The following WWOX variants were observed in gnomAD, a reference collection of about 807,000 sequenced individuals.
WWOX encodes WW domain containing oxidoreductase.
In WWOX, 69 loss-of-function variants were observed where a neutral mutation model predicts 46.2. The ratio of observed to expected loss-of-function variants is 1.49; its 90% CI spans 1.23 to 1.82. The LOEUF is 1.82. Ranked by LOEUF, WWOX falls within the 40% of genes most tolerant of loss-of-function variation. The pLI is 0.00. For synonymous variants in WWOX, 359 were observed against 202.6 expected (o/e 1.77, Z -6.56); for missense variants, 919 against 542.6 (o/e 1.69, Z -6.89).
intron 8 of WWOX, among the ~76,000 whole-genome samples, chr16:78,770,076 G>T (rs1240519549): frequency 6.6e-6 from 1 of 151,602 alleles, no homozygotes; most frequent in African/African-American, 2.4e-5. Flanking sequence ...AGTAGGTCGG[G>T]CATGGTGGGT....
At chr16:79,122,049 C>A (rs543953502) in intron 8 of WWOX, among the ~76,000 whole-genome samples, 3 of 152,154 alleles carry the variant, frequency 2.0e-5, no homozygotes, top group Non-Finnish European at 2.9e-5. Context: ...TGATGGGTCC[C>A]AGCTGTGCAC....
intron 8 of WWOX, among the ~76,000 whole-genome samples, chr16:78,765,403 G>C (rs779953097): frequency 1.1e-4 from 17 of 152,220 alleles, no homozygotes; most frequent in Non-Finnish European, 1.8e-4. Context: ...TCGGGGCCGG[G>C]CACGGTGGCT....
At chr16:79,009,402 G>A (rs1033868990) in intron 8 of WWOX, among the ~76,000 whole-genome samples, 1 of 152,270 alleles carries the variant, frequency 6.6e-6, no homozygotes, top group African/African-American at 2.4e-5. Context: ...CTGTGCTACG[G>A]TTGGGAAGAG....
chr16:78,423,898 C>A (rs1171246341), intron 6 of WWOX, among the ~76,000 whole-genome samples: 1 of 151,228 alleles, frequency 6.6e-6, no homozygotes, highest in African/African-American at 2.4e-5. Flanking sequence ...CTATGACAGG[C>A]TTCCACTTAC....
At chr16:78,235,655 G>A (rs1334156477) in intron 5 of WWOX, among the ~76,000 whole-genome samples, 1 of 152,200 alleles carries the variant, frequency 6.6e-6, no homozygotes, top group East Asian at 1.9e-4. Context: ...AAGGATGCAT[G>A]GGATGGGTTC....
At chr16:78,459,241 G>A (rs1005390147) in intron 8 of WWOX, among the ~76,000 whole-genome samples, 5 of 152,182 alleles carry the variant, frequency 3.3e-5, no homozygotes, top group East Asian at 1.9e-4. Context: ...AAAGACTGTC[G>A]TAAGTTCACA....
intron 8 of WWOX, among the ~76,000 whole-genome samples, chr16:79,168,907 C>G (rs1323969675): frequency 6.6e-6 from 1 of 152,184 alleles, no homozygotes; most frequent in African/African-American, 2.4e-5. Context: ...GGAAAAATCC[C>G]TTTAGAAAGT....
At chr16:79,057,646 C>A (rs1345657147) in intron 8 of WWOX, among the ~76,000 whole-genome samples, 2 of 152,060 alleles carry the variant, frequency 1.3e-5, no homozygotes, top group East Asian at 1.9e-4. Context: ...GTCTCAAGGT[C>A]CTGATAAATG....
intron 8 of WWOX, among the ~76,000 whole-genome samples, chr16:78,910,821 C>A (rs535448453): frequency 6.6e-6 from 1 of 151,852 alleles, no homozygotes; most frequent in Non-Finnish European, 1.5e-5. Flanking sequence ...CTCACCGGGT[C>A]CCTCCCATGA....
intron 5 of WWOX, among the ~76,000 whole-genome samples, chr16:78,250,073 C>T (rs530056288): frequency 2.0e-5 from 3 of 152,292 alleles, no homozygotes; most frequent in African/African-American, 7.2e-5. Context: ...TTGGGCAAGC[C>T]ACCCCCACTC....
intron 6 of WWOX, among the ~76,000 whole-genome samples, chr16:78,392,177 G>A (rs949062336): frequency 3.3e-5 from 5 of 152,050 alleles, no homozygotes; most frequent in African/African-American, 1.2e-4. Flanking sequence ...CTGCGTCTGT[G>A]CTTAGAGCCG....
chr16:78,338,232 A>AT (rs1413501859), intron 5 of WWOX, among the ~76,000 whole-genome samples: 1 of 120,906 alleles, frequency 8.3e-6, no homozygotes, highest in Non-Finnish European at 2.0e-5. Context: ...TTACTATCGT[A>AT]TTCAGCAACC....
In WWOX at chr16:78,338,609, G is replaced by A. The variant is rs780850888; in HGVS notation, c.517-48251G>A. On this transcript the variant is annotated intron_variant, in intron 5 of 8. Coordinates refer to ENST00000566780, the MANE Select transcript of WWOX (RefSeq NM_016373.4). ...CCTATTTTCTCCTGAATTTTCTGACGGAGTTAGAGATAGGAAAATACCATA... is the reference window on the plus strand; with the variant it reads ...CCTATTTTCTCCTGAATTTTCTGACAGAGTTAGAGATAGGAAAATACCATA... Among the ~76,000 whole-genome samples the A allele has an allele frequency of 4.1e-5, 5 of 120,574 alleles. 2 individuals are homozygous for A. Among genetic ancestry groups the A allele is most frequent in the Non-Finnish European group, 9.9e-5 (5 of 50,574 alleles). 79.1% of individuals were successfully genotyped at this position (120,574 alleles called of 152,430 possible). A position where few individuals can be genotyped will look rare whatever the true frequency, so the allele number is the denominator to read the frequency against.
At chr16:78,304,972 C>T (rs1455782004) in intron 5 of WWOX, among the ~76,000 whole-genome samples, 2 of 151,616 alleles carry the variant, frequency 1.3e-5, no homozygotes. Context: ...TCTTTCCTTC[C>T]CTTTTTCCTT....
At chr16:78,418,408 T>G (rs1175692449) in intron 6 of WWOX, among the ~76,000 whole-genome samples, 1 of 150,716 alleles carries the variant, frequency 6.6e-6, no homozygotes, top group South Asian at 2.1e-4. Flanking sequence ...TTCCACAAAC[T>G]CTTTTAAAAA....
At chr16:78,920,015 G>A (rs535262979) in intron 8 of WWOX, among the ~76,000 whole-genome samples, 2 of 152,208 alleles carry the variant, frequency 1.3e-5, no homozygotes, top group Admixed American at 1.3e-4. Flanking sequence ...AAGCACTGAG[G>A]GTCATTGTAT....
At chr16:78,763,251 C>G (rs1257723132) in intron 8 of WWOX, among the ~76,000 whole-genome samples, 1 of 152,232 alleles carries the variant, frequency 6.6e-6, no homozygotes, top group Admixed American at 6.5e-5. Context: ...ACTGCTTTAC[C>G]TGCATCCTGC....
chr16:78,882,322 G>A (rs1315883276), intron 8 of WWOX, among the ~76,000 whole-genome samples: 1 of 152,174 alleles, frequency 6.6e-6, no homozygotes, highest in Non-Finnish European at 1.5e-5. Context: ...CTGGAAAACA[G>A]GTTCAGAGAA....
rs55638553 is a variant in WWOX at position 78,700,312 on chromosome 16, CAGAGAGAGAGAGAGAGAGAG to C, written c.1056+267590_1056+267609del. Among the ~76,000 whole-genome samples, 119 of 130,552 alleles carry C rather than the reference CAGAGAGAGAGAGAGAGAGAG, an allele frequency of 9.1e-4. 2 individuals are homozygous for C. The highest frequency in any genetic ancestry group is 1.7e-3 in the South Asian group (6 of 3,542). The allele number at this position is 130,552 out of a possible 152,430, so 85.6% of individuals were successfully genotyped here. ...TCTTGCTGTGTCCTCACTTAGTAGA[CAGAGAGAGAGAGAGAGAGAG>C]AGAGAGAGAGAGAGAGAGAGAGAGA... On this transcript the variant is annotated intron_variant, in intron 8 of 8. Coordinates refer to ENST00000566780, the MANE Select transcript of WWOX (RefSeq NM_016373.4).
Sources: allele counts gnomAD v4.1 joint callset (sites outside exome capture counted in the v4.1 genomes callset), GRCh38; gene constraint gnomAD v4.1.1; transcripts MANE v1.5; gene names NCBI Gene and HGNC (gene_info 2026-07-23, HGNC 2026-07-21).